The following PMEPA1 variants were observed in gnomAD, a reference collection of about 807,000 sequenced individuals.
PMEPA1 encodes prostate transmembrane protein, androgen induced 1, also known as protein TMEPAI.
In PMEPA1, 11 loss-of-function variants were observed where a neutral mutation model predicts 23.0. That is an observed-to-expected ratio of 0.48 (90% confidence interval 0.30 to 0.79). The LOEUF is 0.79. Ranked by LOEUF, PMEPA1 falls within the 30% of genes least tolerant of loss-of-function variation. PMEPA1 has a pLI of 0.06. For synonymous variants in PMEPA1, 204 were observed against 166.4 expected (o/e 1.23, Z -1.74); for missense variants, 377 against 390.9 (o/e 0.96, Z 0.30).
chr20:57,663,415 G>A (rs767295068), intron 1 of PMEPA1, among the ~76,000 whole-genome samples: 9 of 152,092 alleles, frequency 5.9e-5, no homozygotes, highest in Non-Finnish European at 1.2e-4. Context: ...CTGTGTCAGC[G>A]GGGGGACGGT....
chr20:57,693,030 C>G (rs1025346308), intron 1 of PMEPA1, among the ~76,000 whole-genome samples: 4 of 152,202 alleles, frequency 2.6e-5, no homozygotes, highest in African/African-American at 7.2e-5. Context: ...AAAACTCAGC[C>G]AAGTCCCGAA....
rs2071316100 is a variant in PMEPA1 at position 57,655,636 on chromosome 20, G to A, written c.265-2550C>T. On this transcript the variant is annotated intron_variant, in intron 2 of 3. Coordinates refer to ENST00000341744, the MANE Select transcript of PMEPA1 (RefSeq NM_020182.5). The surrounding 1 kb of genome is among the most constrained non-coding windows in gnomAD (Gnocchi z 4.2). ...ATGTCTGCCAGTCACCCCAGGTGGA[G>A]GACAAGGACAGGTTCCAATCCTACA... 6.6e-6 allele frequency among the ~76,000 whole-genome samples: 1 copy of A among 152,184 alleles called. No individual in the cohort carries two copies. Among genetic ancestry groups the A allele is most frequent in the Admixed American group, 6.5e-5 (1 of 15,286 alleles).
chr20:57,698,541 A>C (rs530195650), intron 1 of PMEPA1, among the ~76,000 whole-genome samples: 1 of 152,242 alleles, frequency 6.6e-6, no homozygotes, highest in Non-Finnish European at 1.5e-5. Context: ...AAAAGAACAA[A>C]GAAATTACTC....
chr20:57,659,702 G>A lies in PMEPA1; in HGVS notation c.110-5C>T, dbSNP rs1470308303. ...TCTGAACAAACTCCAGCTCCGCTGT[G>A]GAGACAAAGAGGGACACGTGAGACC... is the stretch of plus-strand genomic sequence containing the variant. On this transcript the variant is annotated splice_region_variant and splice_polypyrimidine_tract_variant and intron_variant, in intron 1 of 3. Transcript: ENST00000341744. 6.4e-7 allele frequency: 1 copy of A among 1,565,708 alleles called. No individual in the cohort carries two copies. The highest frequency in any genetic ancestry group is 8.7e-7 in the Non-Finnish European group (1 of 1,155,270).
At position 57,651,947 on chromosome 20, in the gene PMEPA1, A is replaced by G. The variant is rs2071236946; in HGVS notation, c.*106T>C. 1 of 901,286 alleles carries G rather than the reference A, an allele frequency of 1.1e-6. No individual in the cohort carries two copies. The highest frequency in any genetic ancestry group is 1.7e-5 in the African/African-American group (1 of 58,918). 55.8% of individuals were successfully genotyped at this position (901,286 alleles called of 1,614,324 possible). A position where few individuals can be genotyped will look rare whatever the true frequency, so the allele number is the denominator to read the frequency against. ...CAGGGAGGTGGGAGGGGAGGGCCAC[A>G]CGATGCGTTGCTGCGCCCCCCGCCT... On this transcript the variant is annotated 3_prime_UTR_variant, in exon 4 of 4. Coordinates refer to ENST00000341744, the MANE Select transcript of PMEPA1 (RefSeq NM_020182.5).
chr20:57,676,628 G>A (rs1349711251), intron 1 of PMEPA1, among the ~76,000 whole-genome samples: 3 of 152,192 alleles, frequency 2.0e-5, no homozygotes, highest in Non-Finnish European at 2.9e-5. Context: ...GGGAGCTCAC[G>A]GTCCAGCTGC....
intron 1 of PMEPA1, among the ~76,000 whole-genome samples, chr20:57,666,114 A>G (rs1244049490): frequency 3.3e-5 from 5 of 152,042 alleles, no homozygotes; most frequent in African/African-American, 1.2e-4. Flanking sequence ...TCTTCCAAAC[A>G]CAAAATAAGG....
chr20:57,686,570 G>A (rs2071803720), intron 1 of PMEPA1, among the ~76,000 whole-genome samples: 1 of 152,206 alleles, frequency 6.6e-6, no homozygotes, highest in African/African-American at 2.4e-5. Flanking sequence ...TCAACCACCT[G>A]TCCTAAAGAG....
At chr20:57,672,879 ATTCGTTCAC>A (rs2071588388) in intron 1 of PMEPA1, among the ~76,000 whole-genome samples, 1 of 152,300 alleles carries the variant, frequency 6.6e-6, no homozygotes, top group Non-Finnish European at 1.5e-5. Context: ...TCAGGAAGTG[ATTCGTTCAC>A]TCTCTGTGCC....
chr20:57,683,658 G>C lies in PMEPA1; in HGVS notation c.110-23961C>G, dbSNP rs769776392. 2.0e-5 allele frequency among the ~76,000 whole-genome samples: 3 copies of C among 151,860 alleles called. No individual in the cohort carries two copies. Among genetic ancestry groups the C allele is most frequent in the Non-Finnish European group, 4.4e-5 (3 of 68,008 alleles). ...TCTTAAAGATGCTGTAATTATGAGAGAGCAGAAAGAACCCCCGAATGACTG... is the reference window on the plus strand; with the variant it reads ...TCTTAAAGATGCTGTAATTATGAGACAGCAGAAAGAACCCCCGAATGACTG... On this transcript the variant is annotated intron_variant, in intron 1 of 3. Transcript: ENST00000341744. This position sits in a 1 kb window ranked among gnomAD's most constrained non-coding sequence, Gnocchi z 4.3.
chr20:57,664,449 G>A (rs1308597319), intron 1 of PMEPA1, among the ~76,000 whole-genome samples: 1 of 152,242 alleles, frequency 6.6e-6, no homozygotes, highest in Non-Finnish European at 1.5e-5. Context: ...GGGAGAGAAA[G>A]GTGCCTCCCC....
chr20:57,687,268 A>T (rs1048065560), intron 1 of PMEPA1, among the ~76,000 whole-genome samples: 1 of 152,174 alleles, frequency 6.6e-6, no homozygotes, highest in Non-Finnish European at 1.5e-5. Context: ...TGCCTGGGGC[A>T]CCTGTGCCTG....
At chr20:57,689,502 A>G (rs2071847764) in intron 1 of PMEPA1, among the ~76,000 whole-genome samples, 1 of 152,204 alleles carries the variant, frequency 6.6e-6, no homozygotes, top group Non-Finnish European at 1.5e-5. Flanking sequence ...GGAGTCCAGC[A>G]TCGGACCCAG....
rs781618325 is a variant in PMEPA1, at chr20:57,682,019, ACT to A, written c.110-22324_110-22323del. 1.5e-4 allele frequency among the ~76,000 whole-genome samples: 23 copies of A among 151,828 alleles called. No individual in the cohort carries two copies. Among genetic ancestry groups the A allele is most frequent in the South Asian group, 6.3e-4 (3 of 4,792 alleles). On this transcript the variant is annotated intron_variant, in intron 1 of 3. Transcript: ENST00000341744. This position sits in a 1 kb window ranked among gnomAD's most constrained non-coding sequence, Gnocchi z 4.4. ...AATCTCCTCCTCCGTTCAGTATCTGACTCTGTTTCCCATCTGCACCAGACTAG... is the reference window on the plus strand; with the variant it reads ...AATCTCCTCCTCCGTTCAGTATCTGACTGTTTCCCATCTGCACCAGACTAG...
At chr20:57,680,611 G>C (rs1358262473) in intron 1 of PMEPA1, among the ~76,000 whole-genome samples, 1 of 152,250 alleles carries the variant, frequency 6.6e-6, no homozygotes, top group Non-Finnish European at 1.5e-5. Flanking sequence ...ACATTAGCTA[G>C]GCAACAGCTG....
intron 1 of PMEPA1, among the ~76,000 whole-genome samples, chr20:57,669,515 G>T (rs550024449): frequency 1.3e-5 from 2 of 152,304 alleles, no homozygotes; most frequent in South Asian, 4.1e-4. Context: ...CCCCCTGCAG[G>T]TTTGCACAAA....
At chr20:57,692,617 G>A (rs1293043816) in intron 1 of PMEPA1, among the ~76,000 whole-genome samples, 1 of 152,354 alleles carries the variant, frequency 6.6e-6, no homozygotes, top group East Asian at 1.9e-4. Context: ...TTCCTCGAGG[G>A]CTGAGGCTGC....
intron 1 of PMEPA1, among the ~76,000 whole-genome samples, chr20:57,666,183 C>T (rs1035000998): frequency 2.6e-5 from 4 of 152,110 alleles, no homozygotes; most frequent in African/African-American, 7.2e-5. Flanking sequence ...TTAACAGGTT[C>T]GTGTGCCTCG....
chr20:57,664,852 C>T (rs1420231842), intron 1 of PMEPA1, among the ~76,000 whole-genome samples: 1 of 152,252 alleles, frequency 6.6e-6, no homozygotes, highest in Admixed American at 6.5e-5. Flanking sequence ...CAGGCGGCTT[C>T]AGGACTTCTG....
Sources: allele counts gnomAD v4.1 joint callset (sites outside exome capture counted in the v4.1 genomes callset), GRCh38; gene constraint gnomAD v4.1.1; non-coding constraint Gnocchi (gnomAD v3.1); transcripts MANE v1.5; gene names NCBI Gene and HGNC (gene_info 2026-07-23, HGNC 2026-07-21).